Variants in RAD51B observed in about 807,000 individuals in gnomAD.
RAD51B encodes RAD51 paralog B.
Under a neutral mutation model 42.2 loss-of-function variants are expected in RAD51B, and 38 were observed. The ratio of observed to expected loss-of-function variants is 0.90; its 90% confidence interval spans 0.70 to 1.18. The LOEUF (loss-of-function observed/expected upper bound fraction) is 1.18. Ranked by LOEUF, RAD51B falls within the 50% of genes most tolerant of loss-of-function variation. The pLI is 0.00. For synonymous variants in RAD51B, 154 were observed against 145.2 expected (o/e 1.06, Z -0.43); for missense variants, 373 against 400.7 (o/e 0.93, Z 0.59).
intron 7 of RAD51B, among the ~76,000 whole-genome samples, chr14:68,203,139 C>A (rs765640743): frequency 6.6e-6 from 1 of 152,124 alleles, no homozygotes; most frequent in Admixed American, 6.5e-5. Flanking sequence ...TTTTCCAGAA[C>A]GTTCCCAATT....
At chr14:67,843,089 T>G (rs894847659) in intron 4 of RAD51B, among the ~76,000 whole-genome samples, 1 of 152,146 alleles carries the variant, frequency 6.6e-6, no homozygotes, top group Non-Finnish European at 1.5e-5. Context: ...TTCTTGCAGA[T>G]TTTTGCATCC....
intron 7 of RAD51B, among the ~76,000 whole-genome samples, chr14:68,224,912 T>G (rs2080005672): frequency 6.6e-6 from 1 of 152,082 alleles, no homozygotes; most frequent in South Asian, 2.1e-4. Flanking sequence ...AGGCTGGTCT[T>G]GAACTCCTGA....
chr14:68,085,188 A>C (rs1279894670), intron 7 of RAD51B, among the ~76,000 whole-genome samples: 2 of 152,204 alleles, frequency 1.3e-5, no homozygotes, highest in Non-Finnish European at 2.9e-5. Context: ...TAGACAGTGA[A>C]CTTGGGAAAT....
intron 2 of RAD51B, among the ~76,000 whole-genome samples, chr14:67,824,521 G>A (rs1345296152): frequency 4.0e-5 from 6 of 151,420 alleles, no homozygotes; most frequent in Non-Finnish European, 8.8e-5. Flanking sequence ...GCCTCCCAAA[G>A]TGCTAGCATT....
chr14:67,872,795 A>G lies in RAD51B; in HGVS notation c.452+7656A>G, dbSNP rs533475985. ...TCAGAAATAATGCCGCATATCTACAACTATCTGATCTTTGACAAACCTGAG... is the reference window on the plus strand; with the variant it reads ...TCAGAAATAATGCCGCATATCTACAGCTATCTGATCTTTGACAAACCTGAG... On this transcript the variant is annotated intron_variant, in intron 5 of 10. Coordinates refer to ENST00000471583, the MANE Select transcript of RAD51B (RefSeq NM_133510.4). Among the ~76,000 whole-genome samples the G allele has an allele frequency of 8.0e-3, 1,205 of 151,306 alleles. 5 individuals are homozygous for G. Among genetic ancestry groups the G allele is most frequent in the Non-Finnish European group, 0.012 (785 of 67,610 alleles).
rs139629575 is a variant in RAD51B at position 68,657,377 on chromosome 14, C to T, written c.*11+6521C>T. Among the ~76,000 whole-genome samples the T allele has an allele frequency of 1.6e-3, 240 of 152,338 alleles. 2 individuals are homozygous for T. The highest frequency in any genetic ancestry group is 5.5e-3 in the African/African-American group (229 of 41,580). On this transcript the variant is annotated intron_variant, in intron 11 of 11. Transcript: ENST00000488612. ...AAATTTTTTTGTAAAGACAGGATCT[C>T]GCTATATTGCCCAGACTGGTCTCGA...
In RAD51B at chr14:67,823,607, CAT is replaced by C; in HGVS notation, c.65_66del (p.His22ProfsTer29). On this transcript the variant is annotated frameshift_variant, in exon 2 of 11. Coordinates refer to ENST00000471583, the MANE Select transcript of RAD51B (RefSeq NM_133510.4). LOFTEE classifies it high-confidence loss of function. ...SQELCDRLSR[H>X]QILTCQDFLC... is the part of the protein sequence containing the mutation. ...AGAGCTGTGTGACCGTCTGAGTAGA[CAT>C]CAGATCCTTACCTGTCAGGTAAATT... The C allele has an allele frequency of 2.5e-6, 4 of 1,612,860 alleles. No homozygotes were observed. Among genetic ancestry groups the C allele is most frequent in the Non-Finnish European group, 3.4e-6 (4 of 1,179,548 alleles).
At chr14:68,651,975 C>T (rs551967433) in intron 11 of RAD51B, among the ~76,000 whole-genome samples, 1 of 152,214 alleles carries the variant, frequency 6.6e-6, no homozygotes, top group Admixed American at 6.5e-5. Context: ...AAGCACAGGG[C>T]GCATCTGGGA....
chr14:68,455,865 A>T (rs2085672789), intron 9 of RAD51B, among the ~76,000 whole-genome samples: 1 of 152,270 alleles, frequency 6.6e-6, no homozygotes, highest in Non-Finnish European at 1.5e-5. Context: ...AAAAGCAAGA[A>T]TTATAAAACT....
intron 8 of RAD51B, among the ~76,000 whole-genome samples, chr14:68,406,765 A>G (rs917198732): frequency 2.0e-5 from 3 of 152,234 alleles, no homozygotes; most frequent in African/African-American, 7.2e-5. Context: ...ATAACTGAAA[A>G]TACAAACATT....
intron 10 of RAD51B, chr14:68,562,149 G>A: frequency 1.0e-6 from 1 of 985,418 alleles, no homozygotes; most frequent in Non-Finnish European, 1.2e-6. Flanking sequence ...GGAAATGCCA[G>A]TTCTGAAGAG....
At chr14:68,168,266 C>T (rs1199977571) in intron 7 of RAD51B, among the ~76,000 whole-genome samples, 1 of 152,076 alleles carries the variant, frequency 6.6e-6, no homozygotes, top group Non-Finnish European at 1.5e-5. Context: ...TAGTACAAAG[C>T]AAAACTTTTG....
At chr14:68,607,121 T>C (rs1352328517) in intron 10 of RAD51B, among the ~76,000 whole-genome samples, 2 of 152,200 alleles carry the variant, frequency 1.3e-5, no homozygotes, top group Admixed American at 1.3e-4. Flanking sequence ...AGAGTGACTT[T>C]TCCAGGGTCA....
chr14:67,958,006 C>A (rs113237552), intron 7 of RAD51B, among the ~76,000 whole-genome samples: 88 of 152,282 alleles, frequency 5.8e-4, no homozygotes, highest in African/African-American at 2.1e-3. Flanking sequence ...ATGTATTATA[C>A]AAAATACATT....
chr14:67,864,787 G>T, intron 4 of RAD51B: 1 of 759,280 alleles, frequency 1.3e-6, no homozygotes. Context: ...ATTCCTCCAA[G>T]GATGGTACAT....
intron 9 of RAD51B, among the ~76,000 whole-genome samples, chr14:68,462,736 G>A (rs1305521263): frequency 2.0e-5 from 3 of 152,166 alleles, no homozygotes; most frequent in African/African-American, 4.8e-5. Context: ...GTAAAGAGAG[G>A]AGAAAGTGTA....
intron 4 of RAD51B, among the ~76,000 whole-genome samples, chr14:67,859,102 C>A (rs150407620): frequency 6.6e-6 from 1 of 152,184 alleles, no homozygotes; most frequent in African/African-American, 2.4e-5. Flanking sequence ...ACACTGACAT[C>A]CTCACTTGGT....
intron 7 of RAD51B, among the ~76,000 whole-genome samples, chr14:68,016,032 T>C (rs891681829): frequency 2.6e-5 from 4 of 152,218 alleles, no homozygotes; most frequent in Admixed American, 6.5e-5. Flanking sequence ...TAAATCATTA[T>C]TTGTTCCTAT....
At chr14:68,156,098 C>T (rs985593920) in intron 7 of RAD51B, among the ~76,000 whole-genome samples, 2 of 152,166 alleles carry the variant, frequency 1.3e-5, no homozygotes, top group African/African-American at 4.8e-5. Context: ...AAAATGAAGT[C>T]CTGACATGCT....
Sources: gnomAD v4.1 joint callset for allele counts (sites outside exome capture counted in the v4.1 genomes callset) on GRCh38, gnomAD v4.1.1 for gene constraint, MANE v1.5 for transcripts, NCBI Gene and HGNC (gene_info 2026-07-23, HGNC 2026-07-21) for gene names.